Variants in OPCML observed in about 807,000 individuals in gnomAD.
OPCML encodes the protein opioid-binding protein/cell adhesion molecule.
In OPCML, 13 loss-of-function variants were observed where a neutral mutation model predicts 37.8. The observed-to-expected ratio is 0.34, with a 90% CI of 0.22 to 0.55. The LOEUF (loss-of-function observed/expected upper bound fraction) is 0.55. OPCML is among the 20% of genes least tolerant of loss of function. The pLI, the probability that OPCML is intolerant of heterozygous loss-of-function variation, is 0.91. For missense variants in OPCML, 341 were observed against 435.6 expected, an observed-to-expected ratio of 0.78 and a Z score of 1.93; for synonymous variants, 176 against 168.8, an observed-to-expected ratio of 1.04 and a Z score of -0.33.
intron 2 of OPCML, among the ~76,000 whole-genome samples, chr11:132,864,207 G>A (rs1243344783): frequency 3.3e-5 from 5 of 152,090 alleles, no homozygotes; most frequent in Non-Finnish European, 7.3e-5. Flanking sequence ...CATAGTGCTG[G>A]GATTGCAGGC....
Position 132,657,087 on chromosome 11 carries a change from C to G in OPCML, c.379G>C (p.Val127Leu). 1 of 1,613,864 alleles carries G rather than the reference C, an allele frequency of 6.2e-7. No individual in the cohort carries two copies. The highest frequency in any genetic ancestry group is 8.5e-7 in the Non-Finnish European group (1 of 1,179,780). ...KTSRVHLIVQVPPQIMNISSD... is the reference protein window; with the variant it reads ...KTSRVHLIVQLPPQIMNISSD... ...AACCCCAGATCCAGCTGGGACTTAC[C>G]TTGCACTATTAGGTGAACCCGGGAC... is the stretch of plus-strand genomic sequence containing the variant. The change falls in exon 3 of 8, where the codon GTT (valine) becomes CTT (leucine). Residue 127 changes from valine (V) to leucine (L), a missense_variant and splice_region_variant. Physicochemically the swap from Val to Leu is conservative, Grantham distance 32. Transcript: ENST00000524381.
chr11:132,555,541 T>C (rs1476628887), intron 3 of OPCML, among the ~76,000 whole-genome samples: 2 of 152,040 alleles, frequency 1.3e-5, no homozygotes, highest in Non-Finnish European at 2.9e-5. Context: ...CAAGATGAGA[T>C]TTGGGTGGGG....
Position 133,280,918 on chromosome 11 carries a change from T to C in OPCML, c.61+251346A>G, listed in dbSNP as rs900703720. 3.3e-5 allele frequency among the ~76,000 whole-genome samples: 5 copies of C among 152,186 alleles called. No individual in the cohort carries two copies. The East Asian group carries it at 7.7e-4, about 24-fold the overall frequency. ...GAGCAATGAGAGAGTAGTGGCTAAG[T>C]ACTGCCCCTTGGTACCTTTCCTCAT... On this transcript the variant is annotated intron_variant, in intron 1 of 7. Transcript: ENST00000524381.
At chr11:132,610,629 G>A (rs961187000) in intron 3 of OPCML, among the ~76,000 whole-genome samples, 3 of 152,134 alleles carry the variant, frequency 2.0e-5, no homozygotes, top group Non-Finnish European at 2.9e-5. Flanking sequence ...GGGGATGCTC[G>A]ATGGTCTTTG....
intron 2 of OPCML, among the ~76,000 whole-genome samples, chr11:132,721,349 G>A (rs1048104743): frequency 2.0e-5 from 3 of 152,178 alleles, no homozygotes; most frequent in Non-Finnish European, 4.4e-5. Flanking sequence ...AGACAAGGAG[G>A]ACAAGAAAAC....
At chr11:133,193,367 G>A (rs1173638413) in intron 1 of OPCML, among the ~76,000 whole-genome samples, 1 of 152,128 alleles carries the variant, frequency 6.6e-6, no homozygotes, top group African/African-American at 2.4e-5. Context: ...CACTAATGAA[G>A]AGAAAATCTT....
In OPCML at chr11:133,004,034, G is replaced by A. The variant is rs916481531; in HGVS notation, c.62-61024C>T. 4.4e-5 allele frequency: 43 copies of A among 985,376 alleles called. No individual in the cohort carries two copies. The East Asian group carries it at 4.6e-4, about 10-fold the overall frequency. The allele number at this position is 985,376 out of a possible 1,614,324, so 61.0% of individuals were successfully genotyped here. A position where few individuals can be genotyped will look rare whatever the true frequency, so the allele number is the denominator to read the frequency against. ...GTCTCTCACCGCTCTGGAGTCAGGC[G>A]GAAATGCCAGCTGGGAAGGAGGAAG... On this transcript the variant is annotated intron_variant, in intron 1 of 7. Coordinates refer to ENST00000524381, the MANE Select transcript of OPCML (RefSeq NM_001012393.5).
chr11:133,161,985 C>CTTTTTTTTTTTT lies in OPCML; in HGVS notation c.62-218987_62-218976dup, dbSNP rs553617547. ...AACAGGTAAGAGAGGCAGTCTCTGT[C>CTTTTTTTTTTTT]TTTTTTTTTTTTTTTTTTTTTTTTT... On this transcript the variant is annotated intron_variant, in intron 1 of 7. Coordinates refer to ENST00000524381, the MANE Select transcript of OPCML (RefSeq NM_001012393.5). Among the ~76,000 whole-genome samples the CTTTTTTTTTTTT allele has an allele frequency of 9.2e-4, 79 of 85,482 alleles. 3 individuals carry two copies. Among genetic ancestry groups the CTTTTTTTTTTTT allele is most frequent in the Non-Finnish European group, 1.1e-3 (52 of 45,874 alleles). The allele number at this position is 85,482 out of a possible 152,430, so 56.1% of individuals were successfully genotyped here.
At chr11:132,489,956 T>C (rs991077328) in intron 4 of OPCML, among the ~76,000 whole-genome samples, 1 of 152,166 alleles carries the variant, frequency 6.6e-6, no homozygotes, top group Non-Finnish European at 1.5e-5. Flanking sequence ...TTTTCTGTTA[T>C]TGTATTAGTT....
intron 3 of OPCML, among the ~76,000 whole-genome samples, chr11:132,590,689 C>A (rs1214617278): frequency 6.6e-6 from 1 of 152,138 alleles, no homozygotes; most frequent in Non-Finnish European, 1.5e-5. Flanking sequence ...AACCATGACT[C>A]TACATGAATT....
At chr11:133,439,181 G>A (rs944992874) in intron 1 of OPCML, 1 of 600,062 alleles carries the variant, frequency 1.7e-6, no homozygotes, top group Middle Eastern at 8.7e-4. Flanking sequence ...CCGAAGTGGG[G>A]CAGTCTTGTG....
chr11:133,118,169 G>C, intron 1 of OPCML: 6 of 913,568 alleles, frequency 6.6e-6, no homozygotes, highest in Non-Finnish European at 7.8e-6. Context: ...GTCTCTAAAA[G>C]TGGTAGTGCA....
rs374840434 is a variant in OPCML at position 132,534,626 on chromosome 11, C to T, written c.380-5440G>A. Among the ~76,000 whole-genome samples the T allele has an allele frequency of 1.1e-4, 17 of 152,232 alleles. No individual in the cohort carries two copies. In the East Asian group the frequency reaches 1.2e-3, roughly 10 times the overall value. On this transcript the variant is annotated intron_variant, in intron 3 of 7. Transcript: ENST00000524381. ...TAAAGTTGATATGATGTGGTGGAAA[C>T]GGAAGTGAGAGGCCAGGGAACATGC...
At position 133,177,597 on chromosome 11, in the gene OPCML, A is replaced by T. The variant is rs1000273174; in HGVS notation, c.62-234587T>A. Among the ~76,000 whole-genome samples, 1 of 152,120 alleles carries T rather than the reference A, an allele frequency of 6.6e-6. No homozygotes were observed. Among genetic ancestry groups the T allele is most frequent in the African/African-American group, 2.4e-5 (1 of 41,424 alleles). ...TGGAGTGGCAATAAAAAATGTGAAT[A>T]CAACTCCAGTTCTGTACCCGACCCT... On this transcript the variant is annotated intron_variant, in intron 1 of 7. Coordinates refer to ENST00000524381, the MANE Select transcript of OPCML (RefSeq NM_001012393.5). The surrounding 1 kb of genome is among the most constrained non-coding windows in gnomAD (Gnocchi z 5.0).
intron 1 of OPCML, among the ~76,000 whole-genome samples, chr11:133,485,128 A>G (rs1947499942): frequency 6.6e-6 from 1 of 152,204 alleles, no homozygotes; most frequent in African/African-American, 2.4e-5. Flanking sequence ...CAACATAGTT[A>G]TCTTTTTAAA....
intron 1 of OPCML, among the ~76,000 whole-genome samples, chr11:133,285,267 C>T (rs1340585971): frequency 1.3e-5 from 2 of 152,126 alleles, no homozygotes; most frequent in Non-Finnish European, 2.9e-5. Flanking sequence ...GCTCAAGGCA[C>T]GAAGGGTCAC....
At chr11:132,572,654 T>G (rs2096441390) in intron 3 of OPCML, among the ~76,000 whole-genome samples, 1 of 152,122 alleles carries the variant, frequency 6.6e-6, no homozygotes, top group African/African-American at 2.4e-5. Flanking sequence ...TTACTATGGC[T>G]TCATAAAATA....
chr11:132,464,815 T>G lies in OPCML; in HGVS notation c.506-27456A>C, dbSNP rs77331701. ...ATGAGTAAACTCCCTGATAAAAGAT[T>G]CAAACAATTAAGAAGTGTGTTATAT... On this transcript the variant is annotated intron_variant, in intron 4 of 7. Transcript: ENST00000524381. 2.0e-3 allele frequency among the ~76,000 whole-genome samples: 304 copies of G among 152,316 alleles called. 1 individual carries two copies. Among genetic ancestry groups the G allele is most frequent in the Non-Finnish European group, 3.2e-3 (219 of 68,026 alleles).
intron 1 of OPCML, among the ~76,000 whole-genome samples, chr11:133,167,028 T>A (rs990289885): frequency 3.9e-5 from 6 of 152,136 alleles, no homozygotes; most frequent in South Asian, 2.1e-4. Context: ...GAAATATCAG[T>A]GCCTAGAAGT....
Sources: gnomAD v4.1 joint callset for allele counts (sites outside exome capture counted in the v4.1 genomes callset) on GRCh38, gnomAD v4.1.1 for gene constraint, Gnocchi (gnomAD v3.1) non-coding constraint, MANE v1.5 for transcripts, NCBI Gene and HGNC (gene_info 2026-07-23, HGNC 2026-07-21) for gene names.